Variants in SLC24A2 observed in about 807,000 individuals in gnomAD.
SLC24A2 encodes sodium/potassium/calcium exchanger 2.
SLC24A2 carries 36 observed loss-of-function variants against 62.0 expected under a neutral mutation model. The ratio of observed to expected loss-of-function variants is 0.58; its 90% confidence interval spans 0.44 to 0.77. The LOEUF is 0.77. SLC24A2 is among the 30% of genes least tolerant of loss of function. The probability of loss-of-function intolerance (pLI) is 0.00; values close to 1 mark genes in which losing one functional copy is unlikely to be tolerated. For synonymous variants in SLC24A2, 358 were observed against 294.0 expected (o/e 1.22, Z -2.23); for missense variants, 846 against 817.9 (o/e 1.03, Z -0.42).
At chr9:20,028,385 C>T in the SLC24A2 span, among the ~76,000 whole-genome samples, 26 of 152,072 alleles carry the variant, frequency 1.7e-4, no homozygotes, top group South Asian at 4.8e-3. Flanking sequence ...TTTAACCTTC[C>T]TTCCTCCTCA....
chr9:19,817,723 A>G, the SLC24A2 span, among the ~76,000 whole-genome samples: 1 of 151,964 alleles, frequency 6.6e-6, no homozygotes, highest in Middle Eastern at 3.4e-3. Context: ...CTTATAATGT[A>G]TCTTTTTATT....
chr9:20,069,160 T>A, the SLC24A2 span, among the ~76,000 whole-genome samples: 1 of 152,222 alleles, frequency 6.6e-6, no homozygotes, highest in Non-Finnish European at 1.5e-5. Context: ...AAATGTTTGA[T>A]TGAAAACATT....
rs146646944 is a variant in SLC24A2 at position 19,709,385 on chromosome 9, C to G, written c.930+76552G>C. 1.1e-4 allele frequency among the ~76,000 whole-genome samples: 16 copies of G among 152,296 alleles called. 1 individual carries two copies. The highest frequency in any genetic ancestry group is 3.6e-4 in the African/African-American group (15 of 41,558). Reference sequence around the variant, plus strand: ...ATCTAGAACAAGAAATACCATTTGACCCAGCCATCCCATTACTGGGTATAT... The same window carrying G: ...ATCTAGAACAAGAAATACCATTTGAGCCAGCCATCCCATTACTGGGTATAT... On this transcript the variant is annotated intron_variant, in intron 2 of 10. Transcript: ENST00000341998.
intron 2 of SLC24A2, among the ~76,000 whole-genome samples, chr9:19,688,824 C>T (rs920593204): frequency 2.6e-5 from 4 of 152,080 alleles, no homozygotes; most frequent in African/African-American, 9.7e-5. Flanking sequence ...ATGTCATGCT[C>T]AGAGATACCA....
chr9:20,011,084 C>CTT, the SLC24A2 span, among the ~76,000 whole-genome samples: 1 of 152,068 alleles, frequency 6.6e-6, no homozygotes, highest in Non-Finnish European at 1.5e-5. Flanking sequence ...GTGCATGTGT[C>CTT]TTTATAGCAG....
chr9:19,915,627 T>C, the SLC24A2 span, among the ~76,000 whole-genome samples: 5 of 152,118 alleles, frequency 3.3e-5, no homozygotes, highest in Admixed American at 3.3e-4. Context: ...ATGATGATAG[T>C]AGTTCTAGTA....
At chr9:19,650,432 G>A (rs556719978) in intron 2 of SLC24A2, among the ~76,000 whole-genome samples, 46 of 152,280 alleles carry the variant, frequency 3.0e-4, no homozygotes, top group Admixed American at 2.1e-3. Context: ...CCCAGTGAGT[G>A]ACCATAGCTA....
Position 19,762,126 on chromosome 9 carries a change from G to T in SLC24A2, c.930+23811C>A, listed in dbSNP as rs143312013. ...GTGCAAAAGTGTTTGAGAAGTGTCT[G>T]TTCATATCCTTTGCCCACTTTTTGA... On this transcript the variant is annotated intron_variant, in intron 2 of 10. Coordinates refer to ENST00000341998, the MANE Select transcript of SLC24A2 (RefSeq NM_020344.4). 5.4e-3 allele frequency among the ~76,000 whole-genome samples: 821 copies of T among 152,144 alleles called. 9 individuals carry two copies. The highest frequency in any genetic ancestry group is 8.6e-3 in the Non-Finnish European group (586 of 67,974).
chr9:19,775,475 A>G (rs7852385), intron 2 of SLC24A2, among the ~76,000 whole-genome samples: 112,744 of 152,138 alleles, frequency 0.74, 41,864 homozygotes, highest in East Asian at 0.8. Flanking sequence ...TCAGGATTCT[A>G]CAGAAATCTG....
At chr9:19,910,846 A>G in the SLC24A2 span, among the ~76,000 whole-genome samples, 1 of 150,306 alleles carries the variant, frequency 6.7e-6, no homozygotes, top group Non-Finnish European at 1.5e-5. Flanking sequence ...ACGTTATTTT[A>G]TAGCTCTCTG....
the SLC24A2 span, among the ~76,000 whole-genome samples, chr9:19,854,010 T>C: frequency 6.6e-6 from 1 of 152,208 alleles, no homozygotes; most frequent in Non-Finnish European, 1.5e-5. Flanking sequence ...GGGATTCAGC[T>C]TCTTTCTGTT....
chr9:19,706,603 C>A (rs1200618936), intron 2 of SLC24A2, among the ~76,000 whole-genome samples: 1 of 152,088 alleles, frequency 6.6e-6, no homozygotes, highest in East Asian at 1.9e-4. Flanking sequence ...TGGTCTCGAT[C>A]TCCTGACCTC....
At chr9:20,067,030 A>G in the SLC24A2 span, among the ~76,000 whole-genome samples, 2 of 152,196 alleles carry the variant, frequency 1.3e-5, no homozygotes, top group Non-Finnish European at 2.9e-5. Flanking sequence ...AAATGTTTAC[A>G]GTTTTGAAGT....
intron 2 of SLC24A2, among the ~76,000 whole-genome samples, chr9:19,696,739 T>C (rs1036824451): frequency 5.9e-5 from 9 of 152,190 alleles, no homozygotes; most frequent in African/African-American, 2.2e-4. Flanking sequence ...TCCACAAACA[T>C]AGCACTTCTA....
intron 8 of SLC24A2, among the ~76,000 whole-genome samples, chr9:19,543,365 C>G (rs1451798666): frequency 6.7e-6 from 1 of 149,510 alleles, no homozygotes; most frequent in Admixed American, 6.7e-5. Flanking sequence ...TTGATCTTTT[C>G]AAGAAACCAG....
At chr9:19,615,172 A>C (rs1246528625) in intron 4 of SLC24A2, among the ~76,000 whole-genome samples, 1 of 152,192 alleles carries the variant, frequency 6.6e-6, no homozygotes, top group Non-Finnish European at 1.5e-5. Context: ...AGATGAGACA[A>C]AGGGGAATGT....
chr9:19,666,144 A>T (rs1479610042), intron 2 of SLC24A2, among the ~76,000 whole-genome samples: 3 of 152,150 alleles, frequency 2.0e-5, no homozygotes, highest in Admixed American at 1.3e-4. Context: ...AGTGGCTCAC[A>T]TCTGTAATCC....
chr9:20,307,311 A>G, the SLC24A2 span, among the ~76,000 whole-genome samples: 11,810 of 152,254 alleles, frequency 0.078, 964 homozygotes, highest in East Asian at 0.3. Flanking sequence ...TCCTGAAGTG[A>G]GACTTTCTTA....
intron 2 of SLC24A2, among the ~76,000 whole-genome samples, chr9:19,759,007 CA>C (rs1181050122): frequency 6.6e-6 from 1 of 152,154 alleles, no homozygotes; most frequent in East Asian, 1.9e-4. Flanking sequence ...GATTGCACAG[CA>C]ATCAGTATGC....
Sources: allele counts gnomAD v4.1 joint callset (sites outside exome capture counted in the v4.1 genomes callset), GRCh38; gene constraint gnomAD v4.1.1; transcripts MANE v1.5; gene names NCBI Gene and HGNC (gene_info 2026-07-23, HGNC 2026-07-21).